Variants in SCRN1 observed in about 807,000 individuals in gnomAD.
SCRN1 encodes secernin 1.
Under a neutral mutation model 43.3 loss-of-function variants are expected in SCRN1, and 19 were observed. The ratio of observed to expected loss-of-function variants is 0.44; its 90% CI spans 0.31 to 0.64. SCRN1 has a LOEUF of 0.64. SCRN1 is among the 30% of genes least tolerant of loss of function. The pLI is 0.09. For synonymous variants in SCRN1, 183 were observed against 188.9 expected, an observed-to-expected ratio of 0.97 and a Z score of 0.26; for missense variants, 447 against 524.1, an observed-to-expected ratio of 0.85 and a Z score of 1.44.
chr7:29,969,056 A>T lies in SCRN1; in HGVS notation c.12T>A (p.Ala4=). The T allele has an allele frequency of 6.2e-7, 1 of 1,613,180 alleles. No individual in the cohort carries two copies. Among genetic ancestry groups the T allele is most frequent in the Non-Finnish European group, 8.5e-7 (1 of 1,179,586 alleles). ...AGGCAACAAAACAGTAACTTGGAGGAGCTGCAGCCATCCTGAAAAGAGAAT... is the reference window on the plus strand; with the variant it reads ...AGGCAACAAAACAGTAACTTGGAGGTGCTGCAGCCATCCTGAAAAGAGAAT... MAA[A]PPSYCFVAFP... is the part of the protein sequence containing the mutation. The change falls in exon 2 of 8, where the codon GCT becomes GCA. Residue 4 remains alanine (A), a synonymous_variant. Transcript: ENST00000242059.
rs1786773714 is a variant in SCRN1, at chr7:29,921,927, A to C, written c.*2030T>G. 1 of 152,212 alleles carries C rather than the reference A, an allele frequency of 6.6e-6. No homozygotes were observed. Among genetic ancestry groups the C allele is most frequent in the Non-Finnish European group, 1.5e-5 (1 of 68,034 alleles). 9.4% of individuals were successfully genotyped at this position (152,212 alleles called of 1,614,324 possible). ...AGACATTTCATAGTAGGCGAAGGTG[A>C]AATCACTCAGTGAGATTTTAGAGCA... On this transcript the variant is annotated 3_prime_UTR_variant, in exon 8 of 8. Coordinates refer to ENST00000242059, the MANE Select transcript of SCRN1 (RefSeq NM_014766.5).
chr7:29,971,631 C>A (rs528921547), intron 1 of SCRN1, among the ~76,000 whole-genome samples: 17 of 135,430 alleles, frequency 1.3e-4, no homozygotes, highest in Admixed American at 9.7e-4. Flanking sequence ...GAGACCCTGT[C>A]TCAAAAAAAA....
intron 2 of SCRN1, among the ~76,000 whole-genome samples, chr7:29,967,208 C>G (rs1399821679): frequency 2.0e-5 from 3 of 151,870 alleles, no homozygotes; most frequent in East Asian, 1.9e-4. Flanking sequence ...CAAACACACA[C>G]AGGTAAATAC....
Position 29,955,273 on chromosome 7 carries a change from C to T in SCRN1, c.247G>A (p.Ala83Thr). 1.9e-6 allele frequency: 3 copies of T among 1,614,138 alleles called. No individual in the cohort carries two copies. Among genetic ancestry groups the T allele is most frequent in the Non-Finnish European group, 2.5e-6 (3 of 1,180,028 alleles). Residue 83 changes from alanine (A) to threonine (T), a missense_variant, in exon 3 of 8, where the codon GCC becomes ACC. Ala to Thr is a moderately conservative substitution (Grantham distance 58). Coordinates refer to ENST00000242059, the MANE Select transcript of SCRN1 (RefSeq NM_014766.5). ...GCTATGCACACTCCATGTTCATTGG[C>T]TCCCATTTCTGCTCCCCAGAGCCAG... ...PAWLWGAEMG[A>T]NEHGVCIANE...
intron 7 of SCRN1, 63 bp from the exon 8 acceptor site, chr7:29,924,178 T>C: frequency 6.5e-7 from 1 of 1,531,282 alleles, no homozygotes; most frequent in Non-Finnish European, 8.8e-7. Flanking sequence ...CAGCGGACAC[T>C]GAAACCCTCT....
chr7:29,926,756 C>T (rs776893344), intron 6 of SCRN1, 124 bp from the exon 7 acceptor site: 18 of 320,908 alleles, frequency 5.6e-5, no homozygotes, highest in African/African-American at 2.3e-4. Context: ...GTGTGGGTGA[C>T]GGGTGGGTGG....
In SCRN1 at chr7:29,926,413, G is replaced by A. The variant is rs555317220; in HGVS notation, c.1086+39C>T. 200 of 1,591,732 alleles carry A rather than the reference G, an allele frequency of 1.3e-4. 2 individuals carry two copies. In the South Asian group the frequency reaches 1.5e-3, roughly 12 times the overall value. ...CCTTCCTCGCTGACCTCGCCCGCCC[G>A]CCTCCGCCTCCGCCTCTGTGGCCCT... On this transcript the variant is annotated intron_variant, in intron 7 of 7. Transcript: ENST00000242059.
At chr7:29,942,783 AG>A (rs2128090438) in intron 4 of SCRN1, among the ~76,000 whole-genome samples, 1 of 152,312 alleles carries the variant, frequency 6.6e-6, no homozygotes, top group African/African-American at 2.4e-5. Flanking sequence ...CTTTTGAGAT[AG>A]AAAGAGGCCA....
intron 3 of SCRN1, among the ~76,000 whole-genome samples, chr7:29,948,532 G>A (rs1055886290): frequency 6.6e-6 from 1 of 152,178 alleles, no homozygotes; most frequent in African/African-American, 2.4e-5. Context: ...CTGGCCTTTT[G>A]CCAAGGACTT....
At chr7:29,936,792 A>G in intron 5 of SCRN1, 71 bp from the exon 6 acceptor site, 1 of 1,294,230 alleles carries the variant, frequency 7.7e-7, no homozygotes, top group Non-Finnish European at 1.0e-6. Flanking sequence ...CACGCCTGTA[A>G]TCCCAGCACT....
chr7:29,986,960 G>T (rs186695045), intron 1 of SCRN1, among the ~76,000 whole-genome samples: 4 of 152,048 alleles, frequency 2.6e-5, no homozygotes, highest in Admixed American at 2.6e-4. Flanking sequence ...TCCTGACCTC[G>T]TGATCCGCCC....
chr7:29,978,998 T>G (rs1296855769), intron 1 of SCRN1, among the ~76,000 whole-genome samples: 1 of 152,264 alleles, frequency 6.6e-6, no homozygotes, highest in South Asian at 2.1e-4. Context: ...TTTACAAAAG[T>G]ATTCTTCAAG....
At chr7:29,946,512 TA>T (rs755566808) in intron 3 of SCRN1, among the ~76,000 whole-genome samples, 1 of 152,248 alleles carries the variant, frequency 6.6e-6, no homozygotes, top group Non-Finnish European at 1.5e-5. Context: ...CAGCCAGCTG[TA>T]ACAGCCCTGT....
intron 3 of SCRN1, among the ~76,000 whole-genome samples, chr7:29,952,605 G>A (rs535363035): frequency 1.8e-4 from 28 of 151,862 alleles, no homozygotes; most frequent in South Asian, 8.3e-4. Context: ...CAGGAGAATC[G>A]CTTGAACCTG....
At chr7:29,944,269 T>C (rs1787656738) in intron 3 of SCRN1, 90 bp from the exon 4 acceptor site, 3 of 1,114,402 alleles carry the variant, frequency 2.7e-6, no homozygotes, top group Non-Finnish European at 4.0e-6. Flanking sequence ...GGCCGAGTTA[T>C]GAAGCATGCC....
rs910483416 is a variant in SCRN1, at chr7:29,920,907, G to A, written c.*3050C>T. 3.3e-5 allele frequency: 5 copies of A among 152,190 alleles called. No homozygotes were observed. The highest frequency in any genetic ancestry group is 7.4e-5 in the Non-Finnish European group (5 of 68,026). 9.4% of individuals were successfully genotyped at this position (152,190 alleles called of 1,614,324 possible). ...GAAAGACTCGTTCTAATAACACCAG[G>A]TCTTATATTATTGAGCACTAAGGAA... On this transcript the variant is annotated 3_prime_UTR_variant, in exon 8 of 8. Coordinates refer to ENST00000242059, the MANE Select transcript of SCRN1 (RefSeq NM_014766.5).
intron 1 of SCRN1, among the ~76,000 whole-genome samples, chr7:29,982,437 T>C (rs568946782): frequency 6.7e-6 from 1 of 149,454 alleles, no homozygotes; most frequent in East Asian, 1.9e-4. Flanking sequence ...CACAGTAGTT[T>C]GGGAGGCTGA....
At chr7:29,931,921 T>G (rs1484939156) in intron 6 of SCRN1, among the ~76,000 whole-genome samples, 1 of 152,178 alleles carries the variant, frequency 6.6e-6, no homozygotes, top group Non-Finnish European at 1.5e-5. Context: ...ACTTTAATCA[T>G]AGAGTCAAAG....
At chr7:29,979,825 T>C (rs555096190) in intron 1 of SCRN1, among the ~76,000 whole-genome samples, 18 of 152,366 alleles carry the variant, frequency 1.2e-4, no homozygotes, top group African/African-American at 4.3e-4. Flanking sequence ...CATTTTCACT[T>C]AAGCTAGCCA....
Sources: gnomAD v4.1 joint callset for allele counts (sites outside exome capture counted in the v4.1 genomes callset) on GRCh38, gnomAD v4.1.1 for gene constraint, MANE v1.5 for transcripts, NCBI Gene and HGNC (gene_info 2026-07-23, HGNC 2026-07-21) for gene names.